The following TECTA variants were observed in gnomAD, a reference collection of about 807,000 sequenced individuals.
The protein encoded by TECTA is alpha-tectorin.
A neutral mutation model predicts 216.8 loss-of-function variants in TECTA; 128 were observed. The observed-to-expected ratio is 0.59, with a 90% confidence interval of 0.51 to 0.68. The LOEUF (loss-of-function observed/expected upper bound fraction) is 0.68. TECTA is among the 30% of genes least tolerant of loss of function. The pLI is 0.00. For synonymous variants in TECTA, 1,089 were observed against 1,117.1 expected, an observed-to-expected ratio of 0.97 and a Z score of 0.50; for missense variants, 2,551 against 2,786.2, an observed-to-expected ratio of 0.92 and a Z score of 1.90.
intron 17 of TECTA, 96 bp from the exon 18 acceptor site, chr11:121,166,482 C>T: frequency 7.7e-7 from 1 of 1,298,118 alleles, no homozygotes; most frequent in South Asian, 1.2e-5. Flanking sequence ...GGTCATTTGC[C>T]TCTTCTAAAG....
chr11:121,143,438 C>A lies in TECTA; in HGVS notation c.3544-2117C>A, dbSNP rs114312355. Reference sequence around the variant, plus strand: ...CCAACCCCTCCTCCTCCTTTGAGACCAGGTGTGGGCATTGTCTTCTGCAGG... The same window carrying A: ...CCAACCCCTCCTCCTCCTTTGAGACAAGGTGTGGGCATTGTCTTCTGCAGG... On this transcript the variant is annotated intron_variant, in intron 11 of 23. Transcript: ENST00000392793. 3.1e-3 allele frequency among the ~76,000 whole-genome samples: 477 copies of A among 152,334 alleles called. 4 individuals are homozygous for A. Among genetic ancestry groups the A allele is most frequent in the African/African-American group, 0.011 (455 of 41,580 alleles).
At chr11:121,116,651 A>G (rs529176471) in intron 6 of TECTA, among the ~76,000 whole-genome samples, 2 of 152,264 alleles carry the variant, frequency 1.3e-5, no homozygotes, top group Admixed American at 6.5e-5. Flanking sequence ...TGAGACTGGG[A>G]TTTGGCCTGG....
chr11:121,190,094 A>T, intron 23 of TECTA: 1 of 566,172 alleles, frequency 1.8e-6, no homozygotes, highest in East Asian at 3.1e-5. Context: ...TTGCTCTTTC[A>T]TCTAAAATAT....
intron 1 of TECTA, among the ~76,000 whole-genome samples, chr11:121,102,057 A>G (rs1354105237): frequency 1.3e-5 from 2 of 152,180 alleles, no homozygotes; most frequent in African/African-American, 2.4e-5. Context: ...TAATGTTTCT[A>G]TCATTCATTT....
intron 8 of TECTA, among the ~76,000 whole-genome samples, chr11:121,126,973 C>T (rs1946618708): frequency 6.6e-6 from 1 of 152,234 alleles, no homozygotes; most frequent in African/African-American, 2.4e-5. Context: ...CTACATTTCG[C>T]TTTCTTTTCT....
intron 20 of TECTA, among the ~76,000 whole-genome samples, chr11:121,171,163 A>C (rs1226441442): frequency 1.3e-5 from 2 of 152,168 alleles, no homozygotes; most frequent in Non-Finnish European, 2.9e-5. Context: ...CAGTTTTCTC[A>C]GCACCAGTTT....
intron 7 of TECTA, among the ~76,000 whole-genome samples, chr11:121,121,410 C>A (rs11218148): frequency 0.22 from 34,175 of 152,008 alleles, 4,505 homozygotes; most frequent in African/African-American, 0.35. Flanking sequence ...AGCAAACAGG[C>A]GAGGCTTATC....
In TECTA at chr11:121,156,420, G is replaced by A. The variant is rs911994195; in HGVS notation, c.4306-1421G>A. The stretch of plus-strand genomic sequence containing the variant: ...GTGTAATGGCACGATCTAGGCTCAC[G>A]GCAACCTCTGCCTCCCAGGTTCAAA... On this transcript the variant is annotated intron_variant, in intron 13 of 23. Transcript: ENST00000392793. 3.9e-5 allele frequency among the ~76,000 whole-genome samples: 6 copies of A among 151,920 alleles called. No homozygotes were observed. In the East Asian group the frequency reaches 5.8e-4, roughly 15 times the overall value.
chr11:121,144,903 T>C lies in TECTA; in HGVS notation c.3544-652T>C, dbSNP rs1033860936. 5.9e-5 allele frequency among the ~76,000 whole-genome samples: 9 copies of C among 152,092 alleles called. No individual in the cohort carries two copies. The South Asian group carries it at 6.2e-4, about 11-fold the overall frequency. ...GACTGTGATGTGTGCTGCAATACAG[T>C]GTATGCAGGCTTGATCCTGGCCAGC... On this transcript the variant is annotated intron_variant, in intron 11 of 23. Coordinates refer to ENST00000392793, the MANE Select transcript of TECTA (RefSeq NM_005422.4).
In TECTA at chr11:121,129,718, A is replaced by G; in HGVS notation, c.2448A>G (p.Thr816=). 6.2e-7 allele frequency: 1 copy of G among 1,614,250 alleles called. No homozygotes were observed. Among genetic ancestry groups the G allele is most frequent in the African/African-American group, 1.3e-5 (1 of 75,066 alleles). The change falls in exon 10 of 24, where the codon ACA becomes ACG. Residue 816 remains threonine (T), a synonymous_variant. Transcript: ENST00000392793. Reference sequence around the variant, plus strand: ...TTTATCGAAACAAAAACAGTACGACAGTGGAGTCCAAGGGCGTGGTGACTG... The same window carrying G: ...TTTATCGAAACAAAAACAGTACGACGGTGGAGTCCAAGGGCGTGGTGACTG... ...LEIYRNKNST[T]VESKGVVTVQ...
intron 2 of TECTA, among the ~76,000 whole-genome samples, chr11:121,104,460 A>T (rs1282987131): frequency 6.6e-6 from 1 of 152,038 alleles, no homozygotes; most frequent in Non-Finnish European, 1.5e-5. Flanking sequence ...TACACGAATG[A>T]CCAGATTAGT....
At chr11:121,168,312 C>T in intron 19 of TECTA, 95 bp downstream of exon 19, 1 of 1,499,852 alleles carries the variant, frequency 6.7e-7, no homozygotes, top group Non-Finnish European at 9.3e-7. Context: ...CTTTGATGCC[C>T]TAGGAAAAAC....
intron 12 of TECTA, among the ~76,000 whole-genome samples, chr11:121,150,895 C>T (rs190688997): frequency 3.5e-4 from 53 of 152,168 alleles, no homozygotes; most frequent in African/African-American, 1.2e-3. Context: ...CCACCTGCCT[C>T]GGCCTCCCAA....
Position 121,137,966 on chromosome 11 carries a change from G to A in TECTA, c.3487G>A (p.Val1163Met), listed in dbSNP as rs757371201. The A allele has an allele frequency of 5.0e-6, 8 of 1,612,994 alleles. No homozygotes were observed. The Admixed American group carries it at 8.3e-5, about 17-fold the overall frequency. The change falls in exon 11 of 24, where the codon GTG becomes ATG. Residue 1163 changes from valine (V) to methionine (M), a missense_variant. By Grantham distance (21) the Val-to-Met change is conservative. Coordinates refer to ENST00000392793, the MANE Select transcript of TECTA (RefSeq NM_005422.4). ...GGCCTTGTGGGTTAAGCAGGTGGAC[G>A]TGACCGTGTTTGGCTACAGCATCGT... ...SLALWVKQVD[V>M]TVFGYSIVIH...
At position 121,125,526 on chromosome 11, in the gene TECTA, T is replaced by A. The variant is rs1259032153; in HGVS notation, c.1428T>A (p.Asp476Glu). The change falls in exon 8 of 24, where the codon GAT (aspartate) becomes GAA (glutamate). Residue 476 changes from aspartate (D) to glutamate (E), a missense_variant. Asp to Glu is a conservative substitution (Grantham distance 45, BLOSUM62 2). This residue lies in a region of TECTA where 2,375 missense variants were observed against 2,563.9 expected (regional missense o/e 0.93). Coordinates refer to ENST00000392793, the MANE Select transcript of TECTA (RefSeq NM_005422.4). ...KNPLDDFLRP[D>E]GRPAMSVLDL... ...CACTGGATGACTTCCTCCGCCCGGA[T>A]GGCAGGCCGGCCATGTCTGTCCTGG... 1 of 1,614,088 alleles carries A rather than the reference T, an allele frequency of 6.2e-7. No individual in the cohort carries two copies.
At position 121,187,963 on chromosome 11, in the gene TECTA, T is replaced by C; in HGVS notation, c.6131T>C (p.Leu2044Pro). 6.2e-7 allele frequency: 1 copy of C among 1,614,222 alleles called. No homozygotes were observed. The highest frequency in any genetic ancestry group is 8.5e-7 in the Non-Finnish European group (1 of 1,180,040). Residue 2044 changes from leucine to proline, a missense_variant, in exon 21 of 24, where the codon CTC becomes CCC. Coordinates refer to ENST00000392793, the MANE Select transcript of TECTA (RefSeq NM_005422.4). ...DEVHLHCAVSLCDSEKYSCKI... is the reference protein window; with the variant it reads ...DEVHLHCAVSPCDSEKYSCKI... Reference sequence around the variant, plus strand: ...GTTCACCTTCACTGTGCAGTGTCACTCTGCGACTCAGAAAAGTACTCCTGT... The same window carrying C: ...GTTCACCTTCACTGTGCAGTGTCACCCTGCGACTCAGAAAAGTACTCCTGT...
intron 20 of TECTA, among the ~76,000 whole-genome samples, chr11:121,178,621 G>A (rs781534846): frequency 7.3e-5 from 11 of 150,878 alleles, no homozygotes; most frequent in Non-Finnish European, 1.3e-4. Context: ...GAGCTAGGAA[G>A]AATCCCCAAA....
Position 121,160,269 on chromosome 11 carries a change from C to T in TECTA, c.4824C>T (p.Ile1608=), listed in dbSNP as rs747713348. ...ACAATGGTTTCAACGTCATTAAAATCAGCATCAGCGAGAGGCTGCAGAACA... is the reference window on the plus strand; with the variant it reads ...ACAATGGTTTCAACGTCATTAAAATTAGCATCAGCGAGAGGCTGCAGAACA... ...IYYNGFNVIK[I]SISERLQNKV... Residue 1608 remains isoleucine (I), a synonymous_variant, in exon 15 of 24, where the codon ATC becomes ATT. Transcript: ENST00000392793. 7.1e-5 allele frequency: 114 copies of T among 1,614,096 alleles called. No homozygotes were observed. Among genetic ancestry groups the T allele is most frequent in the Non-Finnish European group, 9.2e-5 (108 of 1,180,048 alleles).
chr11:121,175,844 C>G (rs1276812945), intron 20 of TECTA, among the ~76,000 whole-genome samples: 1 of 152,100 alleles, frequency 6.6e-6, no homozygotes, highest in Non-Finnish European at 1.5e-5. Context: ...GTAGGTCACT[C>G]AGGACTTGCT....
Sources: gnomAD v4.1 joint callset for allele counts (sites outside exome capture counted in the v4.1 genomes callset) on GRCh38, gnomAD v4.1.1 for gene constraint, gnomAD v4.1.1 regional missense constraint, MANE v1.5 for transcripts, NCBI Gene and HGNC (gene_info 2026-07-23, HGNC 2026-07-21) for gene names.